BCAS3: variants seen among roughly 807,000 people sequenced by gnomAD.
The protein encoded by BCAS3 is BCAS3 microtubule associated cell migration factor, also known as BCAS4/BCAS3 fusion.
Under a neutral mutation model 116.1 loss-of-function variants are expected in BCAS3, and 53 were observed. The ratio of observed to expected loss-of-function variants is 0.46; its 90% CI spans 0.37 to 0.57. The LOEUF is 0.57. BCAS3 is among the 20% of genes least tolerant of loss of function. The pLI, the probability that BCAS3 is intolerant of heterozygous loss-of-function variation, is 0.00. For missense variants in BCAS3, 917 were observed against 1,165.4 expected (o/e 0.79, Z 3.10); for synonymous variants, 391 against 408.2 (o/e 0.96, Z 0.51).
chr17:61,096,566 AAATG>A (rs1402695244), intron 22 of BCAS3, among the ~76,000 whole-genome samples: 1 of 152,186 alleles, frequency 6.6e-6, no homozygotes, highest in Non-Finnish European at 1.5e-5. Flanking sequence ...TCAAAACAAA[AAATG>A]AACTTGTTTC....
chr17:61,280,130 C>T (rs1404382053), intron 22 of BCAS3, among the ~76,000 whole-genome samples: 2 of 152,140 alleles, frequency 1.3e-5, no homozygotes, highest in Non-Finnish European at 2.9e-5. Flanking sequence ...CCTTTATACT[C>T]GAAGACCCTG....
chr17:60,683,929 A>T lies in BCAS3; in HGVS notation c.84-53A>T, dbSNP rs373805993. On this transcript the variant is annotated intron_variant, in intron 2 of 23. Transcript: ENST00000407086. ...AAGGCTTGTAAATAGAGCTTTTTTC[A>T]TGTTCTATATTAAGCTCTCCTGACC... The T allele has an allele frequency of 4.8e-3, 6,883 of 1,432,796 alleles. 21 individuals are homozygous for T. Among genetic ancestry groups the T allele is most frequent in the Non-Finnish European group, 6.1e-3 (6,296 of 1,031,772 alleles). 88.8% of individuals were successfully genotyped at this position (1,432,796 alleles called of 1,614,324 possible). A position where few individuals can be genotyped will look rare whatever the true frequency, so the allele number is the denominator to read the frequency against.
At chr17:61,123,907 A>T (rs1012446497) in intron 22 of BCAS3, among the ~76,000 whole-genome samples, 2 of 152,166 alleles carry the variant, frequency 1.3e-5, no homozygotes, top group Non-Finnish European at 2.9e-5. Context: ...ATGACCACTA[A>T]TCACTATTTG....
rs1025441911 is a variant in BCAS3, at chr17:61,244,402, T to G, written c.2426-123925T>G. ...TTTCCTTTGCTTTTTTACTTAGCAC[T>G]ATATTGTGAATATCATGAACAAAGA... is the stretch of plus-strand genomic sequence containing the variant. On this transcript the variant is annotated intron_variant, in intron 22 of 23. Coordinates refer to ENST00000407086, the MANE Select transcript of BCAS3 (RefSeq NM_017679.5). This position sits in a 1 kb window ranked among gnomAD's most constrained non-coding sequence, Gnocchi z 4.9. Among the ~76,000 whole-genome samples the G allele has an allele frequency of 6.6e-6, 1 of 152,214 alleles. No individual in the cohort carries two copies. Among genetic ancestry groups the G allele is most frequent in the Non-Finnish European group, 1.5e-5 (1 of 68,042 alleles).
chr17:60,737,933 T>TG (rs1169474334), intron 5 of BCAS3, among the ~76,000 whole-genome samples: 3 of 152,104 alleles, frequency 2.0e-5, no homozygotes, highest in Admixed American at 6.6e-5. Context: ...ATTACAGGCA[T>TG]GTGCCACCAC....
intron 23 of BCAS3, chr17:61,389,082 G>T (rs1338046784): frequency 1.3e-5 from 3 of 237,090 alleles, no homozygotes; most frequent in African/African-American, 4.6e-5. Context: ...CCCCGAGGGG[G>T]TCTCCCCTAG....
chr17:61,305,945 C>T (rs2053821888), intron 22 of BCAS3, among the ~76,000 whole-genome samples: 1 of 152,170 alleles, frequency 6.6e-6, no homozygotes. Context: ...CTGTCTTGAT[C>T]CCCTGGTGGA....
chr17:60,730,749 G>C (rs1250538871), intron 5 of BCAS3, among the ~76,000 whole-genome samples: 1 of 152,118 alleles, frequency 6.6e-6, no homozygotes, highest in South Asian at 2.1e-4. Flanking sequence ...AGAAAAAAAG[G>C]CCTGAGTTTA....
chr17:60,812,905 T>TA (rs1177658602), intron 7 of BCAS3, among the ~76,000 whole-genome samples: 4 of 151,838 alleles, frequency 2.6e-5, no homozygotes, highest in Admixed American at 6.6e-5. Flanking sequence ...TTGGGCTAAT[T>TA]AAAAAAAATT....
intron 19 of BCAS3, among the ~76,000 whole-genome samples, chr17:61,057,064 T>C (rs555293967): frequency 6.6e-6 from 1 of 152,354 alleles, no homozygotes; most frequent in East Asian, 1.9e-4. Flanking sequence ...CATATAAATA[T>C]GGATTTTGCT....
intron 7 of BCAS3, among the ~76,000 whole-genome samples, chr17:60,829,120 T>A (rs561818621): frequency 6.6e-6 from 1 of 152,174 alleles, no homozygotes; most frequent in Non-Finnish European, 1.5e-5. Context: ...TAGACATTTC[T>A]TGCTAGAGCT....
At chr17:60,886,711 G>A (rs1162925416) in intron 9 of BCAS3, among the ~76,000 whole-genome samples, 20 of 152,126 alleles carry the variant, frequency 1.3e-4, no homozygotes, top group Admixed American at 1.3e-3. Flanking sequence ...GCCGTGTGAG[G>A]TGTCAGTGTG....
chr17:61,254,022 T>C (rs1436274385), intron 22 of BCAS3, among the ~76,000 whole-genome samples: 1 of 152,148 alleles, frequency 6.6e-6, no homozygotes, highest in Non-Finnish European at 1.5e-5. Context: ...CCTTTAGCCT[T>C]TCTTCTACAT....
rs1182368839 is a variant in BCAS3, at chr17:61,029,111, T to TA, written c.1638-5554dup. ...TAAATATGTTTTTAGTATATCCAGT[T>TA]ATAGGGTAATATATGTATTTTGGAT... On this transcript the variant is annotated intron_variant, in intron 16 of 23. Coordinates refer to ENST00000407086, the MANE Select transcript of BCAS3 (RefSeq NM_017679.5). The surrounding 1 kb of genome is among the most constrained non-coding windows in gnomAD (Gnocchi z 5.2). Among the ~76,000 whole-genome samples the TA allele has an allele frequency of 6.6e-6, 1 of 151,944 alleles. No homozygotes were observed. Among genetic ancestry groups the TA allele is most frequent in the Non-Finnish European group, 1.5e-5 (1 of 67,860 alleles).
chr17:61,059,738 T>G (rs562163897), intron 19 of BCAS3, among the ~76,000 whole-genome samples: 1 of 152,156 alleles, frequency 6.6e-6, no homozygotes, highest in East Asian at 1.9e-4. Context: ...AGAAAGAAAT[T>G]TTACTGGCTG....
intron 19 of BCAS3, among the ~76,000 whole-genome samples, chr17:61,060,738 T>A (rs2069930430): frequency 6.6e-6 from 1 of 152,242 alleles, no homozygotes; most frequent in Admixed American, 6.5e-5. Flanking sequence ...TTACCAAGTT[T>A]CAACAATTTA....
chr17:61,341,735 A>C (rs1272690470), intron 22 of BCAS3, among the ~76,000 whole-genome samples: 1 of 152,182 alleles, frequency 6.6e-6, no homozygotes, highest in Non-Finnish European at 1.5e-5. Context: ...TGCTTCCATA[A>C]AGTGAGATTC....
rs1268977460 is a variant in BCAS3, at chr17:61,344,109, G to A, written c.2426-24218G>A. Among the ~76,000 whole-genome samples the A allele has an allele frequency of 2.0e-5, 3 of 152,054 alleles. No individual in the cohort carries two copies. Among genetic ancestry groups the A allele is most frequent in the Non-Finnish European group, 2.9e-5 (2 of 68,020 alleles). On this transcript the variant is annotated intron_variant, in intron 22 of 23. Transcript: ENST00000407086. This position sits in a 1 kb window ranked among gnomAD's most constrained non-coding sequence, Gnocchi z 4.1. ...GAGCGTGGGACAGGCTAAGGATGCC[G>A]GCTAGCCCCCAATCCCAGAGAGCAT...
Position 60,993,055 on chromosome 17 carries a change from TTTG to T in BCAS3, c.1486+2823_1486+2825del, listed in dbSNP as rs1392796087. ...GGAAGATATTTCCTTGAGCTTCTTT[TTTG>T]TTCTTATTCTTGCTTCTTTATACAG... On this transcript the variant is annotated intron_variant, in intron 15 of 23. Coordinates refer to ENST00000407086, the MANE Select transcript of BCAS3 (RefSeq NM_017679.5). This position sits in a 1 kb window ranked among gnomAD's most constrained non-coding sequence, Gnocchi z 4.2. 6.6e-6 allele frequency among the ~76,000 whole-genome samples: 1 copy of T among 152,216 alleles called. No homozygotes were observed. The highest frequency in any genetic ancestry group is 1.9e-4 in the East Asian group (1 of 5,198).
Sources: gnomAD v4.1 joint callset for allele counts (sites outside exome capture counted in the v4.1 genomes callset) on GRCh38, gnomAD v4.1.1 for gene constraint, Gnocchi (gnomAD v3.1) non-coding constraint, MANE v1.5 for transcripts, NCBI Gene and HGNC (gene_info 2026-07-23, HGNC 2026-07-21) for gene names.